Variants in FRMD4A observed in about 807,000 individuals in gnomAD.
The protein encoded by FRMD4A is FERM domain-containing protein 4A.
In FRMD4A, 29 loss-of-function variants were observed where a neutral mutation model predicts 129.1. That is an observed-to-expected ratio of 0.22 (90% CI 0.17 to 0.31). The LOEUF (loss-of-function observed/expected upper bound fraction) is 0.31. Ranked by LOEUF, FRMD4A falls within the 10% of genes least tolerant of loss-of-function variation. FRMD4A has a pLI of 1.00. For synonymous variants in FRMD4A, 634 were observed against 571.6 expected, an observed-to-expected ratio of 1.11 and a Z score of -1.56; for missense variants, 1,272 against 1,375.8, an observed-to-expected ratio of 0.92 and a Z score of 1.19.
chr10:14,208,201 A>G (rs1029421362), intron 2 of FRMD4A, among the ~76,000 whole-genome samples: 2 of 152,120 alleles, frequency 1.3e-5, no homozygotes, highest in Admixed American at 6.6e-5. Flanking sequence ...GCCTCAAAAG[A>G]AACAAACGAA....
intron 2 of FRMD4A, among the ~76,000 whole-genome samples, chr10:14,061,679 G>T (rs1464593760): frequency 6.6e-6 from 1 of 152,094 alleles, no homozygotes. Context: ...AGGGGGATTG[G>T]CAGGGAGCTT....
intron 2 of FRMD4A, among the ~76,000 whole-genome samples, chr10:14,265,668 T>C (rs1844952274): frequency 6.6e-6 from 1 of 152,184 alleles, no homozygotes; most frequent in Non-Finnish European, 1.5e-5. Context: ...AAGTGGCCCA[T>C]GTATCAACAT....
intron 2 of FRMD4A, among the ~76,000 whole-genome samples, chr10:14,004,143 C>T (rs540819748): frequency 1.1e-4 from 16 of 152,304 alleles, no homozygotes; most frequent in South Asian, 6.2e-4. Flanking sequence ...GTTATCACCA[C>T]GACACAATAT....
chr10:13,757,205 G>A (rs2091900312), intron 8 of FRMD4A, among the ~76,000 whole-genome samples: 1 of 152,182 alleles, frequency 6.6e-6, no homozygotes, highest in Admixed American at 6.5e-5. Context: ...CAGCTTGGAG[G>A]CTACTGAATT....
intron 2 of FRMD4A, among the ~76,000 whole-genome samples, chr10:14,316,033 T>C (rs1261483014): frequency 1.3e-5 from 2 of 152,232 alleles, no homozygotes; most frequent in Non-Finnish European, 2.9e-5. Context: ...GTTGATTGCC[T>C]ATGCAGCAAC....
At chr10:13,976,219 G>A (rs2095541657) in intron 2 of FRMD4A, among the ~76,000 whole-genome samples, 1 of 152,160 alleles carries the variant, frequency 6.6e-6, no homozygotes, top group Admixed American at 6.5e-5. Flanking sequence ...GTAAGTCCTG[G>A]GGAAACATCC....
At chr10:14,232,699 T>C (rs1399301657) in intron 2 of FRMD4A, among the ~76,000 whole-genome samples, 2 of 152,226 alleles carry the variant, frequency 1.3e-5, no homozygotes, top group South Asian at 2.1e-4. Context: ...TGAATGGGAT[T>C]GTGTTCTTGA....
rs555860569 is a variant in FRMD4A, at chr10:13,756,473, C to T, written c.464+5174G>A. Among the ~76,000 whole-genome samples the T allele has an allele frequency of 7.2e-5, 11 of 152,232 alleles. No individual in the cohort carries two copies. In the East Asian group the frequency reaches 1.7e-3, roughly 24 times the overall value. On this transcript the variant is annotated intron_variant, in intron 8 of 24. Transcript: ENST00000357447. ...GCCTCCTGGGATCAAGCAATCCTCC[C>T]ACCTCAGCCTCCCAAGTAGCTGGGA... is the stretch of plus-strand genomic sequence containing the variant.
At chr10:13,691,190 G>A (rs112948501) in intron 15 of FRMD4A, among the ~76,000 whole-genome samples, 3 of 152,196 alleles carry the variant, frequency 2.0e-5, no homozygotes, top group East Asian at 3.8e-4. Flanking sequence ...CTTTCACCAC[G>A]TTAGCCAGGC....
At chr10:13,718,546 G>T (rs984883125) in intron 12 of FRMD4A, among the ~76,000 whole-genome samples, 4 of 152,256 alleles carry the variant, frequency 2.6e-5, no homozygotes, top group African/African-American at 9.6e-5. Flanking sequence ...TTTCCTTCCA[G>T]AAAGAAGTGA....
chr10:14,021,549 C>G (rs1452982194), intron 2 of FRMD4A, among the ~76,000 whole-genome samples: 1 of 151,600 alleles, frequency 6.6e-6, no homozygotes, highest in Non-Finnish European at 1.5e-5. Context: ...AGAGGGAGAC[C>G]CTGACTCAAA....
Position 13,694,843 on chromosome 10 carries a change from T to TAA in FRMD4A, c.976-806_976-805dup, listed in dbSNP as rs5783342. Among the ~76,000 whole-genome samples the TAA allele has an allele frequency of 2.0e-3, 294 of 149,986 alleles. 1 individual carries two copies. The highest frequency in any genetic ancestry group is 6.7e-3 in the Admixed American group (101 of 15,050). On this transcript the variant is annotated intron_variant, in intron 14 of 24. Transcript: ENST00000357447. ...GGCAACAAAGTGAGACCCTGTCTCT[T>TAA]AAAAAAAAAAAAGAGAGAAATGACA...
chr10:14,223,734 A>G (rs1264034881), intron 2 of FRMD4A, among the ~76,000 whole-genome samples: 2 of 126,772 alleles, frequency 1.6e-5, no homozygotes, highest in African/African-American at 6.3e-5. Flanking sequence ...GAGCAAGACC[A>G]TGTCTCAAAA....
chr10:14,201,553 G>A (rs780450773), intron 2 of FRMD4A, among the ~76,000 whole-genome samples: 2 of 152,074 alleles, frequency 1.3e-5, no homozygotes, highest in Admixed American at 6.6e-5. Context: ...TCTCCCATTC[G>A]CTTTTCTGCC....
chr10:14,099,240 T>C (rs943220642), intron 2 of FRMD4A, among the ~76,000 whole-genome samples: 1 of 152,192 alleles, frequency 6.6e-6, no homozygotes, highest in African/African-American at 2.4e-5. Flanking sequence ...TTACTCCTAG[T>C]CCTGATATAA....
At chr10:13,922,848 C>G (rs2095089011) in intron 2 of FRMD4A, among the ~76,000 whole-genome samples, 1 of 152,206 alleles carries the variant, frequency 6.6e-6, no homozygotes, top group Non-Finnish European at 1.5e-5. Flanking sequence ...TCTGCCATGT[C>G]TGTCTATTTA....
At chr10:13,681,768 G>A (rs1021071159) in intron 15 of FRMD4A, among the ~76,000 whole-genome samples, 1 of 152,132 alleles carries the variant, frequency 6.6e-6, no homozygotes, top group African/African-American at 2.4e-5. Context: ...ACTTGGGAAG[G>A]TTGTGTAACC....
intron 2 of FRMD4A, among the ~76,000 whole-genome samples, chr10:14,081,070 G>T (rs1835901990): frequency 6.6e-6 from 1 of 152,040 alleles, no homozygotes; most frequent in Non-Finnish European, 1.5e-5. Context: ...CCATAAATTA[G>T]TAAGTACCAT....
chr10:14,185,583 TAAGAAA>T (rs1367779433), intron 2 of FRMD4A, among the ~76,000 whole-genome samples: 2 of 151,580 alleles, frequency 1.3e-5, no homozygotes, highest in Non-Finnish European at 2.9e-5. Context: ...TCTCGTCTTG[TAAGAAA>T]GAGAAACAGG....
Sources: gnomAD v4.1 joint callset for allele counts (sites outside exome capture counted in the v4.1 genomes callset) on GRCh38, gnomAD v4.1.1 for gene constraint, MANE v1.5 for transcripts, NCBI Gene and HGNC (gene_info 2026-07-23, HGNC 2026-07-21) for gene names.